Variants in TRIM56 observed in about 807,000 individuals in gnomAD.
The protein encoded by TRIM56 is tripartite motif containing 56.
Under a neutral mutation model 17.1 loss-of-function variants are expected in TRIM56, and 10 were observed. That is an observed-to-expected ratio of 0.58 (90% CI 0.36 to 0.99). The LOEUF (loss-of-function observed/expected upper bound fraction) is 0.99. TRIM56 is among the 50% of genes least tolerant of loss of function. The pLI, the probability that TRIM56 is intolerant of heterozygous loss-of-function variation, is 0.01. For missense variants in TRIM56, 923 were observed against 1,052.3 expected, an observed-to-expected ratio of 0.88 and a Z score of 1.70; for synonymous variants, 503 against 473.5, an observed-to-expected ratio of 1.06 and a Z score of -0.81.
In TRIM56 at chr7:101,087,125, GC is replaced by G; in HGVS notation, c.-42del. 5 of 628,060 alleles carry G rather than the reference GC, an allele frequency of 8.0e-6. No homozygotes were observed. Among genetic ancestry groups the G allele is most frequent in the Non-Finnish European group, 8.4e-6 (3 of 356,234 alleles). 38.9% of individuals were successfully genotyped at this position (628,060 alleles called of 1,614,324 possible). A position where few individuals can be genotyped will look rare whatever the true frequency, so the allele number is the denominator to read the frequency against. The stretch of plus-strand genomic sequence containing the variant: ...CAGCTCCTTAGCTCAAGAGCAAGTG[GC>G]CCAAGGCCTCAGAAGACTAGAAGGA... On this transcript the variant is annotated 5_prime_UTR_variant, in exon 2 of 3. Transcript: ENST00000306085.
Position 101,094,412 on chromosome 7 carries a change from A to G in TRIM56, c.*4832A>G, listed in dbSNP as rs1327347887. 6 of 152,190 alleles carry G rather than the reference A, an allele frequency of 3.9e-5. No homozygotes were observed. The highest frequency in any genetic ancestry group is 1.4e-4 in the African/African-American group (6 of 41,446). 9.4% of individuals were successfully genotyped at this position (152,190 alleles called of 1,614,324 possible). A position where few individuals can be genotyped will look rare whatever the true frequency, so the allele number is the denominator to read the frequency against. The stretch of plus-strand genomic sequence containing the variant: ...ATTTTGTGCTATTATTCATACGTGT[A>G]CATTTCTACTTCAGTTTTTATTATC... On this transcript the variant is annotated 3_prime_UTR_variant, in exon 3 of 3. Transcript: ENST00000306085.
rs779442069 is a variant in TRIM56, at chr7:101,088,670, G to A, written c.1358G>A (p.Arg453Lys). Residue 453 changes from arginine (R) to lysine (K), a missense_variant, in exon 3 of 3, where the codon AGG (arginine) becomes AAG (lysine). Around this residue, in one of 3 missense-constraint regions of TRIM56, gnomAD observed 643 missense variants for 665.6 expected, o/e 0.97. Transcript: ENST00000306085. ...GAGGATGGAGGACCCCAGCCCCACAGGGGTGGCAGACCCAACAAGAAGAAA... is the reference window on the plus strand; with the variant it reads ...GAGGATGGAGGACCCCAGCCCCACAAGGGTGGCAGACCCAACAAGAAGAAA... ...PHEDGGPQPH[R>K]GGRPNKKKKF... 5 of 1,613,950 alleles carry A rather than the reference G, an allele frequency of 3.1e-6. No homozygotes were observed. The highest frequency in any genetic ancestry group is 1.3e-5 in the African/African-American group (1 of 74,926).
In TRIM56 at chr7:101,093,594, C is replaced by CT. The variant is rs1163478329; in HGVS notation, c.*4015dup. ...CCTGTAATCCCAGCACTTTGGGAGG[C>CT]TGAGGTGGGTGGATCACCTGAGGTC... On this transcript the variant is annotated 3_prime_UTR_variant, in exon 3 of 3. Coordinates refer to ENST00000306085, the MANE Select transcript of TRIM56 (RefSeq NM_030961.3). 4.0e-5 allele frequency: 6 copies of CT among 151,754 alleles called. No individual in the cohort carries two copies. Among genetic ancestry groups the CT allele is most frequent in the African/African-American group, 1.5e-4 (6 of 41,316 alleles). The allele number at this position is 151,754 out of a possible 1,614,324, so 9.4% of individuals were successfully genotyped here.
Position 101,092,270 on chromosome 7 carries a change from C to T in TRIM56, c.*2690C>T, listed in dbSNP as rs375007175. 1.2e-4 allele frequency: 21 copies of T among 172,662 alleles called. No individual in the cohort carries two copies. In the East Asian group the frequency reaches 2.9e-3, roughly 24 times the overall value. The allele number at this position is 172,662 out of a possible 1,614,324, so 10.7% of individuals were successfully genotyped here. On this transcript the variant is annotated 3_prime_UTR_variant, in exon 3 of 3. Transcript: ENST00000306085. ...GCCCATTGTCTGGGATGTGAGGAGC[C>T]CCTCTGCCCGGCTGCCCAGTCTGGG... is the stretch of plus-strand genomic sequence containing the variant.
chr7:101,088,105 G>T lies in TRIM56; in HGVS notation c.793G>T (p.Ala265Ser), dbSNP rs1293218935. The T allele has an allele frequency of 1.3e-6, 2 of 1,503,770 alleles. No homozygotes were observed. The highest frequency in any genetic ancestry group is 4.9e-5 in the East Asian group (2 of 40,484). 93.2% of individuals were successfully genotyped at this position (1,503,770 alleles called of 1,614,324 possible). The change falls in exon 3 of 3, where the codon GCC (alanine) becomes TCC (serine). Residue 265 changes from alanine (A) to serine (S), a missense_variant. By Grantham distance (99) the Ala-to-Ser change is moderately conservative (BLOSUM62 1). This residue lies in a region of TRIM56 where 643 missense variants were observed against 665.6 expected (regional missense o/e 0.97). Coordinates refer to ENST00000306085, the MANE Select transcript of TRIM56 (RefSeq NM_030961.3). ...GGAGGCGGCTGAGGGCGTCCTCCGG[G>T]CCCTGCTGGCCCAGAAGCAGGAGGT... is the stretch of plus-strand genomic sequence containing the variant. Reference protein sequence around the residue: ...VEEAAEGVLRALLAQKQEVLG... With the variant: ...VEEAAEGVLRSLLAQKQEVLG...
rs993823566 is a variant in TRIM56 at position 101,094,451 on chromosome 7, A to G, written c.*4871A>G. ...GTTTTTATTATCCATTACATAACAT[A>G]CATGCTTGATTATTTGCTTCAAGGA... On this transcript the variant is annotated 3_prime_UTR_variant, in exon 3 of 3. Coordinates refer to ENST00000306085, the MANE Select transcript of TRIM56 (RefSeq NM_030961.3). 2 of 152,210 alleles carry G rather than the reference A, an allele frequency of 1.3e-5. No individual in the cohort carries two copies. Among genetic ancestry groups the G allele is most frequent in the African/African-American group, 4.8e-5 (2 of 41,440 alleles). The allele number at this position is 152,210 out of a possible 1,614,324, so 9.4% of individuals were successfully genotyped here.
At position 101,087,149 on chromosome 7, in the gene TRIM56, G is replaced by A. The variant is rs1180737061; in HGVS notation, c.-21G>A. The A allele has an allele frequency of 1.4e-6, 1 of 689,858 alleles. No homozygotes were observed. The highest frequency in any genetic ancestry group is 1.8e-5 in the African/African-American group (1 of 56,272). The allele number at this position is 689,858 out of a possible 1,614,324, so 42.7% of individuals were successfully genotyped here. ...GGCCCAAGGCCTCAGAAGACTAGAA[G>A]GAAGTTCCTGGCCATTCAGGTGAGA... On this transcript the variant is annotated 5_prime_UTR_variant, in exon 2 of 3. Transcript: ENST00000306085.
In TRIM56 at chr7:101,097,606, T is replaced by C. The variant is rs1445815536; in HGVS notation, c.*8026T>C. ...CTCACCTGAGGTGCTGGGTGAGAAA[T>C]CTTAGGGACCAGATGGAAGAGGGCC... is the stretch of plus-strand genomic sequence containing the variant. On this transcript the variant is annotated 3_prime_UTR_variant, in exon 3 of 3. Transcript: ENST00000306085. 1 of 151,946 alleles carries C rather than the reference T, an allele frequency of 6.6e-6. No individual in the cohort carries two copies. The highest frequency in any genetic ancestry group is 6.6e-5 in the Admixed American group (1 of 15,238). The allele number at this position is 151,946 out of a possible 1,614,324, so 9.4% of individuals were successfully genotyped here. A position where few individuals can be genotyped will look rare whatever the true frequency, so the allele number is the denominator to read the frequency against.
rs1045002047 is a variant in TRIM56 at position 101,091,454 on chromosome 7, C to T, written c.*1874C>T. The T allele has an allele frequency of 1.5e-5, 3 of 203,802 alleles. No individual in the cohort carries two copies. In the Admixed American group the frequency reaches 1.6e-4, roughly 11 times the overall value. The allele number at this position is 203,802 out of a possible 1,614,324, so 12.6% of individuals were successfully genotyped here. On this transcript the variant is annotated 3_prime_UTR_variant, in exon 3 of 3. Transcript: ENST00000306085. Reference sequence around the variant, plus strand: ...TTATAAGAAAACCAAGCGCCAGGCACGGTGACTCAAGCCTGTAATCCCAGC... The same window carrying T: ...TTATAAGAAAACCAAGCGCCAGGCATGGTGACTCAAGCCTGTAATCCCAGC...
chr7:101,088,386 C>A lies in TRIM56; in HGVS notation c.1074C>A (p.Leu358=). ...LLPQLELHPG[L]LDKNCHLLRL... is the part of the protein sequence containing the mutation. Reference sequence around the variant, plus strand: ...CACAGCTGGAGCTCCATCCTGGGCTCCTGGACAAGAACTGCCACCTTCTTC... The same window carrying A: ...CACAGCTGGAGCTCCATCCTGGGCTACTGGACAAGAACTGCCACCTTCTTC... Residue 358 remains leucine (L), a synonymous_variant, in exon 3 of 3, where the codon CTC becomes CTA. Transcript: ENST00000306085. 6.3e-7 allele frequency: 1 copy of A among 1,585,200 alleles called. No homozygotes were observed. Among genetic ancestry groups the A allele is most frequent in the Non-Finnish European group, 8.6e-7 (1 of 1,165,476 alleles).
rs1219138663 is a variant in TRIM56 at position 101,091,945 on chromosome 7, G to A, written c.*2365G>A. On this transcript the variant is annotated 3_prime_UTR_variant, in exon 3 of 3. Transcript: ENST00000306085. The stretch of plus-strand genomic sequence containing the variant: ...TGCGATTGCAGGCGCGCGCCGCCAC[G>A]CCTGACTGGTTTTCGTATTTTTTTG... 15 of 300,676 alleles carry A rather than the reference G, an allele frequency of 5.0e-5. No homozygotes were observed. The highest frequency in any genetic ancestry group is 7.9e-5 in the Non-Finnish European group (12 of 151,868). The allele number at this position is 300,676 out of a possible 1,614,324, so 18.6% of individuals were successfully genotyped here.
rs1296632805 is a variant in TRIM56 at position 101,095,706 on chromosome 7, G to A, written c.*6126G>A. On this transcript the variant is annotated 3_prime_UTR_variant, in exon 3 of 3. Coordinates refer to ENST00000306085, the MANE Select transcript of TRIM56 (RefSeq NM_030961.3). ...AATCCACAGGGCATTGTAAGATGGAGGGAAATATTAAGTTTTCTTCGTAAA... is the reference window on the plus strand; with the variant it reads ...AATCCACAGGGCATTGTAAGATGGAAGGAAATATTAAGTTTTCTTCGTAAA... 6.6e-6 allele frequency: 1 copy of A among 152,208 alleles called. No individual in the cohort carries two copies. Among genetic ancestry groups the A allele is most frequent in the Non-Finnish European group, 1.5e-5 (1 of 68,052 alleles). The allele number at this position is 152,208 out of a possible 1,614,324, so 9.4% of individuals were successfully genotyped here.
rs1181437354 is a variant in TRIM56 at position 101,089,106 on chromosome 7, T to G, written c.1794T>G (p.Pro598=). The G allele has an allele frequency of 5.6e-6, 9 of 1,604,142 alleles. No individual in the cohort carries two copies. The highest frequency in any genetic ancestry group is 7.6e-6 in the Non-Finnish European group (9 of 1,177,888). The change falls in exon 3 of 3, where the codon CCT becomes CCG. Residue 598 remains proline (P), a synonymous_variant. Transcript: ENST00000306085. ...CCAGCCACGCGGTGGCGGCACTGCC[T>G]AGCGGGGACCGCGTGGCTGTCAGCG... ...SQASHAVAAL[P]SGDRVAVSVA...
At position 101,088,282 on chromosome 7, in the gene TRIM56, C is replaced by A; in HGVS notation, c.970C>A (p.Leu324Met). 1 of 1,519,592 alleles carries A rather than the reference C, an allele frequency of 6.6e-7. No individual in the cohort carries two copies. The allele number at this position is 1,519,592 out of a possible 1,614,324, so 94.1% of individuals were successfully genotyped here. A position where few individuals can be genotyped will look rare whatever the true frequency, so the allele number is the denominator to read the frequency against. The change falls in exon 3 of 3, where the codon CTG becomes ATG. Residue 324 changes from leucine to methionine, a missense_variant. By Grantham distance (15) the Leu-to-Met change is conservative. Around this residue, in one of 3 missense-constraint regions of TRIM56, gnomAD observed 643 missense variants for 665.6 expected, o/e 0.97. Coordinates refer to ENST00000306085, the MANE Select transcript of TRIM56 (RefSeq NM_030961.3). ...SLGREAEILS[L>M]EGAIAQRLRQ... ...GGGGCGAGAGGCCGAGATCCTCTCCCTGGAAGGGGCGATCGCACAGCGGCT... is the reference window on the plus strand; with the variant it reads ...GGGGCGAGAGGCCGAGATCCTCTCCATGGAAGGGGCGATCGCACAGCGGCT...
In TRIM56 at chr7:101,092,156, C is replaced by T. The variant is rs530231921; in HGVS notation, c.*2576C>T. ...CTAGCTACAACCTCCACCTCCCAGC[C>T]GCCCGCCTTGGCCTCCCAAAGTGCC... On this transcript the variant is annotated 3_prime_UTR_variant, in exon 3 of 3. Transcript: ENST00000306085. 58 of 231,616 alleles carry T rather than the reference C, an allele frequency of 2.5e-4. No individual in the cohort carries two copies. The highest frequency in any genetic ancestry group is 1.8e-4 in the Non-Finnish European group (21 of 117,498). 14.3% of individuals were successfully genotyped at this position (231,616 alleles called of 1,614,324 possible). A position where few individuals can be genotyped will look rare whatever the true frequency, so the allele number is the denominator to read the frequency against.
chr7:101,089,468 A>G lies in TRIM56; in HGVS notation c.2156A>G (p.Tyr719Cys), dbSNP rs757703035. 9 of 1,614,080 alleles carry G rather than the reference A, an allele frequency of 5.6e-6. No individual in the cohort carries two copies. Reference sequence around the variant, plus strand: ...CTCCTTGGAGACTTCCTGACAGCCTACCACGGCCTGGAAAAGCCCCGGGTT... The same window carrying G: ...CTCCTTGGAGACTTCCTGACAGCCTGCCACGGCCTGGAAAAGCCCCGGGTT... ...GSLLGDFLTA[Y>C]HGLEKPRVTT... The change falls in exon 3 of 3, where the codon TAC becomes TGC. Residue 719 changes from tyrosine (Y) to cysteine (C), a missense_variant. Coordinates refer to ENST00000306085, the MANE Select transcript of TRIM56 (RefSeq NM_030961.3).
At chr7:101,087,276 C>A (rs762966960) in intron 2 of TRIM56, 36 bp from the exon 3 acceptor site, 13 of 1,565,222 alleles carry the variant, frequency 8.3e-6, no homozygotes, top group East Asian at 4.5e-5. Flanking sequence ...GGTGAAGGTG[C>A]CTTCTCAACT....
rs772624419 is a variant in TRIM56, at chr7:101,087,717, C to T, written c.405C>T (p.His135=). The T allele has an allele frequency of 2.0e-5, 31 of 1,586,718 alleles. No homozygotes were observed. In the South Asian group the frequency reaches 2.9e-4, roughly 15 times the overall value. Residue 135 remains histidine (H), a synonymous_variant, in exon 3 of 3, where the codon CAC becomes CAT. Coordinates refer to ENST00000306085, the MANE Select transcript of TRIM56 (RefSeq NM_030961.3). The part of the protein sequence containing the change: ...DDLCQACADG[H]RCTRQTHTHR... ...TGTGCCAGGCCTGTGCCGACGGGCA[C>T]CGCTGCACCCGCCAGACCCACACCC...
chr7:101,086,454 G>T (rs1180896012), intron 1 of TRIM56, among the ~76,000 whole-genome samples: 1 of 151,784 alleles, frequency 6.6e-6, no homozygotes, highest in East Asian at 1.9e-4. Flanking sequence ...ACAGCTACTC[G>T]GGAGGCTGAG....
Sources: allele counts gnomAD v4.1 joint callset (sites outside exome capture counted in the v4.1 genomes callset), GRCh38; gene constraint gnomAD v4.1.1; regional missense constraint gnomAD v4.1.1; transcripts MANE v1.5; gene names NCBI Gene and HGNC (gene_info 2026-07-23, HGNC 2026-07-21).